EVC2: variants seen among roughly 807,000 people sequenced by gnomAD.
EVC2 encodes limbin.
A neutral mutation model predicts 149.3 loss-of-function variants in EVC2; 148 were observed. The observed-to-expected ratio is 0.99, with a 90% confidence interval of 0.87 to 1.14. The LOEUF (loss-of-function observed/expected upper bound fraction) is 1.14, where lower values mean the gene tolerates loss of function less well. EVC2 is among the 50% of genes most tolerant of loss of function. EVC2 has a pLI of 0.00. For synonymous variants in EVC2, 776 were observed against 649.9 expected, an observed-to-expected ratio of 1.19 and a Z score of -2.95; for missense variants, 1,854 against 1,627.3, an observed-to-expected ratio of 1.14 and a Z score of -2.40.
chr4:5,687,133 T>C (rs2151729752), intron 5 of EVC2, among the ~76,000 whole-genome samples: 1 of 152,276 alleles, frequency 6.6e-6, no homozygotes, highest in East Asian at 1.9e-4. Context: ...GGCACACGCC[T>C]GTAGACCCAG....
intron 9 of EVC2, among the ~76,000 whole-genome samples, chr4:5,645,332 T>C (rs1189705157): frequency 1.3e-5 from 2 of 151,918 alleles, no homozygotes; most frequent in African/African-American, 4.8e-5. Context: ...TCATGGGGGT[T>C]TGTTGTGCAT....
chr4:5,674,892 G>C (rs962628410), intron 7 of EVC2, among the ~76,000 whole-genome samples: 10 of 152,154 alleles, frequency 6.6e-5, no homozygotes, highest in Non-Finnish European at 1.5e-5. Context: ...ATGAAAACAA[G>C]AAATGCAGAT....
intron 3 of EVC2, 41 bp downstream of exon 3, chr4:5,694,294 A>G (rs1721319193): frequency 6.2e-7 from 1 of 1,609,056 alleles, no homozygotes; most frequent in African/African-American, 1.3e-5. Flanking sequence ...TTTATTTCCA[A>G]CTTCTGGTAT....
chr4:5,687,807 C>T lies in EVC2; in HGVS notation c.706+1350G>A, dbSNP rs374767434. Among the ~76,000 whole-genome samples the T allele has an allele frequency of 8.4e-4, 128 of 152,130 alleles. 1 individual carries two copies. The highest frequency in any genetic ancestry group is 2.9e-3 in the African/African-American group (120 of 41,526). The stretch of plus-strand genomic sequence containing the variant: ...ATGAGATGAGAGACGTGCAGGACCA[C>T]GGGCTGAAGAGGGTGTTGGACACCT... On this transcript the variant is annotated intron_variant, in intron 5 of 21. Transcript: ENST00000344408.
chr4:5,566,428 C>A (rs1722292491), intron 20 of EVC2, among the ~76,000 whole-genome samples: 1 of 152,178 alleles, frequency 6.6e-6, no homozygotes, highest in African/African-American at 2.4e-5. Context: ...CAGAGTGCTT[C>A]CCTGGCCCTG....
chr4:5,650,977 T>C (rs1044055186), intron 9 of EVC2, among the ~76,000 whole-genome samples: 7 of 152,114 alleles, frequency 4.6e-5, no homozygotes, highest in Admixed American at 4.6e-4. Flanking sequence ...CTTGATATCA[T>C]TTTTTACAGC....
chr4:5,572,560 G>T (rs1455338545), intron 19 of EVC2, among the ~76,000 whole-genome samples: 1 of 152,158 alleles, frequency 6.6e-6, no homozygotes, highest in Non-Finnish European at 1.5e-5. Flanking sequence ...GTTCTCACCA[G>T]ACACTGCATC....
In EVC2 at chr4:5,665,792, C is replaced by T; in HGVS notation, c.871-143G>A. The T allele has an allele frequency of 3.0e-6, 4 of 1,346,638 alleles. No individual in the cohort carries two copies. In the South Asian group the frequency reaches 3.8e-5, roughly 13 times the overall value. 83.4% of individuals were successfully genotyped at this position (1,346,638 alleles called of 1,614,324 possible). A position where few individuals can be genotyped will look rare whatever the true frequency, so the allele number is the denominator to read the frequency against. ...TGAGTCTCGCTCTGCCAGCTACCAG[C>T]TGGCTGCCTGGAGGCCCTCGCTGGT... On this transcript the variant is annotated intron_variant, in intron 7 of 21. Transcript: ENST00000344408.
At chr4:5,704,421 G>A (rs1722009390) in intron 1 of EVC2, among the ~76,000 whole-genome samples, 1 of 152,128 alleles carries the variant, frequency 6.6e-6, no homozygotes, top group Admixed American at 6.5e-5. Flanking sequence ...CAAGGGGCAG[G>A]ATTTCGGTTC....
chr4:5,629,629 CT>C (rs1716384735), intron 11 of EVC2, among the ~76,000 whole-genome samples: 1 of 152,234 alleles, frequency 6.6e-6, no homozygotes, highest in Non-Finnish European at 1.5e-5. Context: ...GGACGTTCCC[CT>C]TCCCACATAA....
At position 5,617,814 on chromosome 4, in the gene EVC2, G is replaced by A. The variant is rs73198133; in HGVS notation, c.2706+664C>T. 6.7e-3 allele frequency among the ~76,000 whole-genome samples: 1,017 copies of A among 152,250 alleles called. 4 individuals are homozygous for A. The highest frequency in any genetic ancestry group is 0.011 in the African/African-American group (473 of 41,546). ...CCTGAGGCAGGGATTAGGTGCAGGTGGTTTCCTGAAGGAGGTCTCTCTAGG... is the reference window on the plus strand; with the variant it reads ...CCTGAGGCAGGGATTAGGTGCAGGTAGTTTCCTGAAGGAGGTCTCTCTAGG... On this transcript the variant is annotated intron_variant, in intron 15 of 21. Coordinates refer to ENST00000344408, the MANE Select transcript of EVC2 (RefSeq NM_147127.5).
chr4:5,625,090 G>A lies in EVC2; in HGVS notation c.2046+659C>T, dbSNP rs1294237691. Among the ~76,000 whole-genome samples the A allele has an allele frequency of 6.6e-6, 1 of 151,960 alleles. No homozygotes were observed. The highest frequency in any genetic ancestry group is 1.5e-5 in the Non-Finnish European group (1 of 68,012). ...CCTCAGCTTCCTAAATCACAGATCT[G>A]ATGTCTCTCTCACCTCCGGAAGACC... On this transcript the variant is annotated intron_variant, in intron 13 of 21. Coordinates refer to ENST00000344408, the MANE Select transcript of EVC2 (RefSeq NM_147127.5). This position sits in a 1 kb window ranked among gnomAD's most constrained non-coding sequence, Gnocchi z 4.0.
downstream of EVC2, among the ~76,000 whole-genome samples, chr4:5,561,539 A>G (rs1412653605): frequency 1.3e-5 from 2 of 152,110 alleles, no homozygotes; most frequent in African/African-American, 4.8e-5. Flanking sequence ...GAGAAGTGCA[A>G]CCCCAGCGAA....
intron 20 of EVC2, among the ~76,000 whole-genome samples, chr4:5,566,179 G>A (rs879741338): frequency 1.3e-5 from 2 of 152,264 alleles, no homozygotes; most frequent in African/African-American, 4.8e-5. Flanking sequence ...ATGAAGGTGC[G>A]TGGTCCTAGA....
intron 15 of EVC2, among the ~76,000 whole-genome samples, chr4:5,617,415 G>A (rs1715336710): frequency 6.6e-6 from 1 of 152,186 alleles, no homozygotes; most frequent in Non-Finnish European, 1.5e-5. Context: ...TACTTTAAGA[G>A]AAGCCCCGAT....
chr4:5,533,565 G>A, the EVC2 span, among the ~76,000 whole-genome samples: 1 of 152,226 alleles, frequency 6.6e-6, no homozygotes, highest in South Asian at 2.1e-4. Flanking sequence ...CATGTTCCAA[G>A]GACTGGAGAG....
chr4:5,615,634 T>C, intron 15 of EVC2, 90 bp from the exon 16 acceptor site: 1 of 1,585,832 alleles, frequency 6.3e-7, no homozygotes, highest in Non-Finnish European at 8.6e-7. Context: ...TCAAGAGAAG[T>C]TTCTGCAGCT....
chr4:5,681,280 T>C lies in EVC2; in HGVS notation c.850A>G (p.Thr284Ala), dbSNP rs1560220190. The change falls in exon 7 of 22, where the codon ACA becomes GCA. Residue 284 changes from threonine to alanine, a missense_variant. Transcript: ENST00000344408. ...CTTACCGTTACGTTTTCTTCTGCTG[T>C]TATGGAAAAAAGCACTTTCAGCTGT... The part of the protein sequence containing the change: ...RTQLKVLFSI[T>A]AEENVTVLPH... 2 of 1,614,190 alleles carry C rather than the reference T, an allele frequency of 1.2e-6. No individual in the cohort carries two copies. Among genetic ancestry groups the C allele is most frequent in the Non-Finnish European group, 1.7e-6 (2 of 1,180,016 alleles).
At chr4:5,617,091 C>T (rs1425950504) in intron 15 of EVC2, among the ~76,000 whole-genome samples, 1 of 146,584 alleles carries the variant, frequency 6.8e-6, no homozygotes, top group Non-Finnish European at 1.5e-5. Context: ...GGGAAAAAAA[C>T]AACAGTACTT....
Sources: gnomAD v4.1 joint callset for allele counts (sites outside exome capture counted in the v4.1 genomes callset) on GRCh38, gnomAD v4.1.1 for gene constraint, Gnocchi (gnomAD v3.1) non-coding constraint, MANE v1.5 for transcripts, NCBI Gene and HGNC (gene_info 2026-07-23, HGNC 2026-07-21) for gene names.